CFAP92: variants seen among roughly 807,000 people sequenced by gnomAD.
CFAP92 encodes cilia and flagella associated protein 92 (putative).
CFAP92 carries 86 observed loss-of-function variants against 106.3 expected under a neutral mutation model. The observed-to-expected ratio is 0.81, with a 90% confidence interval of 0.68 to 0.97. The LOEUF is 0.97. Among genes scored for constraint, CFAP92 ranks in the 50% least tolerant of loss-of-function variants. The pLI is 0.00. For missense variants in CFAP92, 1,204 were observed against 1,283.8 expected (o/e 0.94, Z 0.95); for synonymous variants, 477 against 506.4 (o/e 0.94, Z 0.78).
chr3:129,014,122 T>C, the CFAP92 span, among the ~76,000 whole-genome samples: 1 of 152,246 alleles, frequency 6.6e-6, no homozygotes, highest in Non-Finnish European at 1.5e-5. The surrounding 1 kb of genome is among the most constrained non-coding windows in gnomAD (Gnocchi z 4.3). Context: ...TTTTCTTCAT[T>C]CAACCAAATT....
At chr3:128,975,733 C>G in intron 7 of CFAP92, 46 bp downstream of exon 7, 1 of 1,374,224 alleles carries the variant, frequency 7.3e-7, no homozygotes, top group South Asian at 1.4e-5. Context: ...ATAATTATTC[C>G]AAGTCTAGTT....
chr3:128,992,999 C>A, intron 2 of CFAP92, 44 bp downstream of exon 2: 2 of 1,607,060 alleles, frequency 1.2e-6, no homozygotes, highest in Non-Finnish European at 1.7e-6. Context: ...AAGTCATGCA[C>A]CTCCTTTTTT....
intron 12 of CFAP92, among the ~76,000 whole-genome samples, chr3:128,921,604 G>A (rs764415331): frequency 6.6e-6 from 1 of 152,154 alleles, no homozygotes; most frequent in Non-Finnish European, 1.5e-5. Context: ...TTTGGACACA[G>A]AAAAAAGGAA....
chr3:129,009,692 C>T, the CFAP92 span, among the ~76,000 whole-genome samples: 3 of 152,210 alleles, frequency 2.0e-5, no homozygotes, highest in African/African-American at 7.2e-5. Flanking sequence ...CCCCTTTGCC[C>T]CTCTCTGGAG....
At chr3:128,983,880 C>A (rs1028195502) in intron 4 of CFAP92, among the ~76,000 whole-genome samples, 2 of 152,212 alleles carry the variant, frequency 1.3e-5, no homozygotes, top group Non-Finnish European at 2.9e-5. Context: ...TCTCTAAAGG[C>A]CCTGGGGCAG....
chr3:128,991,692 G>T, intron 2 of CFAP92: 1 of 884,092 alleles, frequency 1.1e-6, no homozygotes. Context: ...CAGCCGGCCT[G>T]CACCAAGGCG....
chr3:128,961,499 GT>G (rs34580761), intron 9 of CFAP92, among the ~76,000 whole-genome samples: 101,729 of 151,966 alleles, frequency 0.67, 35,904 homozygotes, highest in African/African-American at 0.91. Flanking sequence ...CCTGCTTATG[GT>G]TTTCATTCCG....
At chr3:129,023,678 G>A in the CFAP92 span, among the ~76,000 whole-genome samples, 1 of 152,194 alleles carries the variant, frequency 6.6e-6, no homozygotes, top group Non-Finnish European at 1.5e-5. Flanking sequence ...TATGGCAAGA[G>A]ATGCTGGGTT....
intron 12 of CFAP92, among the ~76,000 whole-genome samples, chr3:128,924,743 G>A (rs977228998): frequency 5.3e-5 from 8 of 152,054 alleles, no homozygotes; most frequent in Admixed American, 1.3e-4. Context: ...CACCACGCCC[G>A]ACCGATTGTA....
intron 12 of CFAP92, among the ~76,000 whole-genome samples, chr3:128,923,331 G>A (rs774588556): frequency 3.3e-5 from 5 of 152,138 alleles, no homozygotes; most frequent in African/African-American, 7.2e-5. Context: ...CCATAACATG[G>A]GGGCAGATCA....
intron 13 of CFAP92, 188 bp downstream of exon 13, chr3:128,915,919 C>T (rs1339235226): frequency 9.0e-6 from 4 of 442,824 alleles, no homozygotes; most frequent in Non-Finnish European, 1.2e-5. Flanking sequence ...GGCTTACCCT[C>T]AGGTGTGGAG....
rs1011829708 is a variant in CFAP92 at position 128,988,923 on chromosome 3, A to G, written c.263-5T>C. 4.4e-6 allele frequency: 7 copies of G among 1,607,802 alleles called. No individual in the cohort carries two copies. Among genetic ancestry groups the G allele is most frequent in the African/African-American group, 2.7e-5 (2 of 74,702 alleles). On this transcript the variant is annotated splice_polypyrimidine_tract_variant and splice_region_variant and intron_variant, in intron 2 of 15. Coordinates refer to ENST00000645291, the MANE Select transcript of CFAP92 (RefSeq NM_001394090.1). ...TTGCATATTTTCCCTTCTGACCTTGAAGATACAGATTGAAAAAGTCTCGTT... is the reference window on the plus strand; with the variant it reads ...TTGCATATTTTCCCTTCTGACCTTGGAGATACAGATTGAAAAAGTCTCGTT...
upstream of CFAP92, chr3:129,003,809 A>G: frequency 6.8e-7 from 1 of 1,462,966 alleles, no homozygotes; most frequent in Non-Finnish European, 9.0e-7. Flanking sequence ...ACTCTGGAAG[A>G]GCCAGGCGAG....
chr3:129,013,570 C>T, the CFAP92 span, among the ~76,000 whole-genome samples: 1 of 152,198 alleles, frequency 6.6e-6, no homozygotes, highest in Non-Finnish European at 1.5e-5. Flanking sequence ...TAGCTCCTAT[C>T]CTCCCAATCA....
intron 9 of CFAP92, among the ~76,000 whole-genome samples, chr3:128,950,962 G>A (rs1415471028): frequency 6.6e-6 from 1 of 152,186 alleles, no homozygotes; most frequent in Non-Finnish European, 1.5e-5. Flanking sequence ...ACCAGCCTGG[G>A]TCAACTCTGC....
intron 4 of CFAP92, among the ~76,000 whole-genome samples, chr3:128,986,316 T>G (rs923098326): frequency 1.2e-4 from 18 of 151,880 alleles, no homozygotes; most frequent in African/African-American, 3.9e-4. Context: ...CACAGCTTAC[T>G]GAAGCCTCGA....
intron 10 of CFAP92, among the ~76,000 whole-genome samples, chr3:128,942,309 A>C (rs1270283902): frequency 6.6e-6 from 1 of 152,240 alleles, no homozygotes; most frequent in Non-Finnish European, 1.5e-5. Flanking sequence ...GTGGAGCCAG[A>C]TGTGCTACCC....
intron 15 of CFAP92, chr3:128,910,609 CG>C (rs1388225991): frequency 1.0e-6 from 1 of 981,212 alleles, no homozygotes; most frequent in Non-Finnish European, 1.6e-6. Context: ...GAACCCAAGA[CG>C]GGGTGACTCC....
In CFAP92 at chr3:128,915,429, C is replaced by G; in HGVS notation, c.3051G>C (p.Val1017=). The part of the protein sequence containing the change: ...QAWLTARGFQ[V]TGLQSDTESS... ...TTTCGGTGTCGCTCTGAAGACCTGT[C>G]ACTTGGAATCCCCTGGCTGTGAGCC... is the stretch of plus-strand genomic sequence containing the variant. The change falls in exon 14 of 16, where the codon GTG becomes GTC. Residue 1017 remains valine, a synonymous_variant. Transcript: ENST00000645291. The G allele has an allele frequency of 6.5e-7, 1 of 1,536,110 alleles. No individual in the cohort carries two copies. The highest frequency in any genetic ancestry group is 8.7e-7 in the Non-Finnish European group (1 of 1,146,918).
Sources: gnomAD v4.1 joint callset for allele counts (sites outside exome capture counted in the v4.1 genomes callset) on GRCh38, gnomAD v4.1.1 for gene constraint, Gnocchi (gnomAD v3.1) non-coding constraint, MANE v1.5 for transcripts, NCBI Gene and HGNC (gene_info 2026-07-23, HGNC 2026-07-21) for gene names.